IKBKB: variants seen among roughly 807,000 people sequenced by gnomAD.
IKBKB encodes inhibitor of nuclear factor kappa B kinase subunit beta, also known as inhibitor of nuclear factor kappa-B kinase subunit beta.
A neutral mutation model predicts 113.6 loss-of-function variants in IKBKB; 42 were observed. The observed-to-expected ratio is 0.37, with a 90% CI of 0.29 to 0.48. The LOEUF (loss-of-function observed/expected upper bound fraction) is 0.48. Ranked by LOEUF, IKBKB falls within the 20% of genes least tolerant of loss-of-function variation. The pLI, the probability that IKBKB is intolerant of heterozygous loss-of-function variation, is 0.99. For synonymous variants in IKBKB, 296 were observed against 361.3 expected, an observed-to-expected ratio of 0.82 and a Z score of 2.05; for missense variants, 673 against 939.7, an observed-to-expected ratio of 0.72 and a Z score of 3.71.
intron 19 of IKBKB, 141 bp from the exon 20 acceptor site, chr8:42,325,822 CCCGCAGG>C (rs1820630945): frequency 1.3e-6 from 2 of 1,486,262 alleles, no homozygotes; most frequent in Non-Finnish European, 1.8e-6. Flanking sequence ...CACCAGTTGA[CCCGCAGG>C]TGGGGGTGCC....
In IKBKB at chr8:42,320,864, C is replaced by G. The variant is rs763615476; in HGVS notation, c.1688+20C>G. 4.7e-6 allele frequency: 7 copies of G among 1,479,324 alleles called. No individual in the cohort carries two copies. Among genetic ancestry groups the G allele is most frequent in the Non-Finnish European group, 6.5e-6 (7 of 1,084,092 alleles). 91.6% of individuals were successfully genotyped at this position (1,479,324 alleles called of 1,614,324 possible). A position where few individuals can be genotyped will look rare whatever the true frequency, so the allele number is the denominator to read the frequency against. On this transcript the variant is annotated intron_variant, in intron 16 of 21. Transcript: ENST00000520810. ...CGACCTGTGAGTACTGGCTGGGGGG[C>G]CCCTCTGTGCCCAGCACACACAGAC...
chr8:42,291,704 T>C (rs529572057), intron 4 of IKBKB, among the ~76,000 whole-genome samples: 3 of 152,252 alleles, frequency 2.0e-5, no homozygotes, highest in East Asian at 1.9e-4. Flanking sequence ...GACAGGAGAA[T>C]AGCTTGAGGC....
At chr8:42,306,199 GT>G in intron 6 of IKBKB, 143 bp from the exon 7 acceptor site, 1 of 583,208 alleles carries the variant, frequency 1.7e-6, no homozygotes, top group Non-Finnish European at 3.2e-6. Flanking sequence ...ATTCTTTTGT[GT>G]ATCTGGTGGC....
At chr8:42,278,741 A>G (rs142335526) in intron 2 of IKBKB, among the ~76,000 whole-genome samples, 2 of 152,260 alleles carry the variant, frequency 1.3e-5, no homozygotes, top group Non-Finnish European at 2.9e-5. Context: ...CATGCCTGTA[A>G]TCCCAGCACT....
At chr8:42,280,264 C>G (rs1247479169) in intron 2 of IKBKB, among the ~76,000 whole-genome samples, 1 of 152,216 alleles carries the variant, frequency 6.6e-6, no homozygotes, top group African/African-American at 2.4e-5. Context: ...CCACCACAAC[C>G]TGCTTCCCCT....
chr8:42,303,110 A>AGAGAGAGAATGAGAGAGAGAGAGAGAG (rs1312577797), intron 5 of IKBKB, among the ~76,000 whole-genome samples: 1 of 150,954 alleles, frequency 6.6e-6, no homozygotes, highest in Non-Finnish European at 1.5e-5. Flanking sequence ...AGAGAGAGAG[A>AGAGAGAGAATGAGAGAGAGAGAGAGAG]GAGAGAGAAT....
intron 2 of IKBKB, among the ~76,000 whole-genome samples, chr8:42,280,403 G>A (rs1217127890): frequency 1.3e-5 from 2 of 152,154 alleles, no homozygotes; most frequent in Non-Finnish European, 2.9e-5. Context: ...TATTTTCAAT[G>A]AGACCTTTGT....
chr8:42,308,705 G>A (rs948761759), intron 7 of IKBKB, among the ~76,000 whole-genome samples, 196 bp from the exon 8 acceptor site: 4 of 152,124 alleles, frequency 2.6e-5, no homozygotes, highest in Non-Finnish European at 5.9e-5. Context: ...GGAGTGAGTG[G>A]GACATAGAAA....
intron 11 of IKBKB, 49 bp from the exon 12 acceptor site, chr8:42,317,603 TAGAAA>T: frequency 5.9e-6 from 7 of 1,181,040 alleles, no homozygotes; most frequent in Non-Finnish European, 8.9e-6. Flanking sequence ...CATTATCAGT[TAGAAA>T]AGAGAGGGTT....
At chr8:42,310,397 C>T (rs897626106) in intron 8 of IKBKB, among the ~76,000 whole-genome samples, 6 of 152,140 alleles carry the variant, frequency 3.9e-5, no homozygotes, top group African/African-American at 7.2e-5. Context: ...CCAAGGTGTT[C>T]GTATCTTCCA....
chr8:42,307,830 C>T (rs114622552), intron 7 of IKBKB, among the ~76,000 whole-genome samples: 47 of 152,302 alleles, frequency 3.1e-4, no homozygotes, highest in African/African-American at 1.1e-3. Flanking sequence ...GTTGACCTAC[C>T]CATCCCGGAA....
At chr8:42,299,234 C>T (rs573967585) in intron 5 of IKBKB, among the ~76,000 whole-genome samples, 29 of 152,282 alleles carry the variant, frequency 1.9e-4, no homozygotes, top group Admixed American at 1.2e-3. Context: ...AGTCAGCCCC[C>T]GCTCCTGCTC....
intron 5 of IKBKB, among the ~76,000 whole-genome samples, chr8:42,300,284 G>T (rs922647874): frequency 6.6e-6 from 1 of 152,142 alleles, no homozygotes; most frequent in Non-Finnish European, 1.5e-5. Flanking sequence ...TTTACTGAGG[G>T]AACGGACATC....
intron 20 of IKBKB, among the ~76,000 whole-genome samples, chr8:42,326,976 G>A (rs1188153030): frequency 1.3e-5 from 2 of 152,180 alleles, no homozygotes; most frequent in Non-Finnish European, 2.9e-5. Flanking sequence ...GAGGTTGGGA[G>A]TGACTGATAA....
Position 42,319,157 on chromosome 8 carries a change from A to C in IKBKB, c.1365-113A>C, listed in dbSNP as rs866494710. 4 of 938,366 alleles carry C rather than the reference A, an allele frequency of 4.3e-6. No individual in the cohort carries two copies. The African/African-American group carries it at 4.9e-5, about 12-fold the overall frequency. The allele number at this position is 938,366 out of a possible 1,614,324, so 58.1% of individuals were successfully genotyped here. A position where few individuals can be genotyped will look rare whatever the true frequency, so the allele number is the denominator to read the frequency against. On this transcript the variant is annotated intron_variant, in intron 13 of 21. Coordinates refer to ENST00000520810, the MANE Select transcript of IKBKB (RefSeq NM_001556.3). ...GGCTGCTATAATAATAGTGATGATG[A>C]TAATAATTATAGCAGGGACCTCCCT...
At chr8:42,321,448 C>G (rs78489171) in intron 16 of IKBKB, 2,109 of 158,970 alleles carry the variant, frequency 0.013, 50 homozygotes, top group African/African-American at 0.048. Flanking sequence ...AGGACAGGAG[C>G]TCCAAATGTC....
chr8:42,281,761 G>C (rs1810412954), intron 2 of IKBKB, among the ~76,000 whole-genome samples: 1 of 152,202 alleles, frequency 6.6e-6, no homozygotes, highest in East Asian at 1.9e-4. Context: ...GGTGGGGTCT[G>C]AGAAGGAGGA....
At chr8:42,330,108 ATG>A (rs1165567514) in intron 21 of IKBKB, 1 of 985,312 alleles carries the variant, frequency 1.0e-6, no homozygotes, top group East Asian at 1.1e-4. Context: ...AGGCCAAGTC[ATG>A]TGGTGAGGCT....
rs17875746 is a variant in IKBKB, at chr8:42,316,159, G to T, written c.801-51G>T. ...TGTATACTGGGAGACGCACACTGTAGCCCAACATTGGCTGGAAGTGTCTCC... is the reference window on the plus strand; with the variant it reads ...TGTATACTGGGAGACGCACACTGTATCCCAACATTGGCTGGAAGTGTCTCC... On this transcript the variant is annotated intron_variant, in intron 9 of 21. Coordinates refer to ENST00000520810, the MANE Select transcript of IKBKB (RefSeq NM_001556.3). This position sits in a 1 kb window ranked among gnomAD's most constrained non-coding sequence, Gnocchi z 4.5. The T allele has an allele frequency of 0.04, 63,411 of 1,604,206 alleles. 1,502 individuals carry two copies. Among genetic ancestry groups the T allele is most frequent in the Non-Finnish European group, 0.046 (54,304 of 1,174,262 alleles).
Sources: gnomAD v4.1 joint callset for allele counts (sites outside exome capture counted in the v4.1 genomes callset) on GRCh38, gnomAD v4.1.1 for gene constraint, Gnocchi (gnomAD v3.1) non-coding constraint, MANE v1.5 for transcripts, NCBI Gene and HGNC (gene_info 2026-07-23, HGNC 2026-07-21) for gene names.